Variants in STX18 observed in about 807,000 individuals in gnomAD.
The protein encoded by STX18 is syntaxin 18.
Under a neutral mutation model 50.1 loss-of-function variants are expected in STX18, and 40 were observed. The observed-to-expected ratio is 0.80, with a 90% CI of 0.62 to 1.04. The LOEUF (loss-of-function observed/expected upper bound fraction) is 1.04, where lower values mean the gene tolerates loss of function less well. Ranked by LOEUF, STX18 falls within the 50% of genes least tolerant of loss-of-function variation. The probability of loss-of-function intolerance (pLI) is 0.00; values close to 1 mark genes in which losing one functional copy is unlikely to be tolerated. For missense variants in STX18, 410 were observed against 415.8 expected, an observed-to-expected ratio of 0.99 and a Z score of 0.12; for synonymous variants, 158 against 151.8, an observed-to-expected ratio of 1.04 and a Z score of -0.30.
chr4:4,452,812 C>T (rs541691718), intron 5 of STX18, among the ~76,000 whole-genome samples: 17 of 152,264 alleles, frequency 1.1e-4, no homozygotes, highest in South Asian at 1.0e-3. Flanking sequence ...CCATCTTAGA[C>T]GCCATTAAGA....
chr4:4,464,021 T>C (rs1281832558), intron 2 of STX18, among the ~76,000 whole-genome samples: 2 of 152,190 alleles, frequency 1.3e-5, no homozygotes, highest in South Asian at 2.1e-4. Flanking sequence ...TTTGCATATA[T>C]TGACAAAGTT....
intron 1 of STX18, among the ~76,000 whole-genome samples, chr4:4,527,974 C>T (rs910740585): frequency 1.3e-5 from 2 of 151,752 alleles, no homozygotes; most frequent in Non-Finnish European, 2.9e-5. Context: ...TCAGGGTCAC[C>T]CTGAGTGAGG....
At chr4:4,508,751 C>A (rs1326199106) in intron 1 of STX18, among the ~76,000 whole-genome samples, 1 of 152,168 alleles carries the variant, frequency 6.6e-6, no homozygotes, top group African/African-American at 2.4e-5. Context: ...GTTGCTCCCC[C>A]ACCATGTGTC....
At chr4:4,521,293 C>A (rs1269479593) in intron 1 of STX18, among the ~76,000 whole-genome samples, 1 of 152,188 alleles carries the variant, frequency 6.6e-6, no homozygotes, top group Non-Finnish European at 1.5e-5. Flanking sequence ...TATTATGAAG[C>A]CTTTACAATT....
chr4:4,431,557 G>A (rs1478869856), intron 7 of STX18, among the ~76,000 whole-genome samples: 1 of 152,026 alleles, frequency 6.6e-6, no homozygotes, highest in Middle Eastern at 3.2e-3. Context: ...CCTCACGCAA[G>A]CCCATCCTTC....
chr4:4,504,791 T>A (rs532625130), intron 1 of STX18, among the ~76,000 whole-genome samples: 1 of 152,038 alleles, frequency 6.6e-6, no homozygotes, highest in East Asian at 1.9e-4. Context: ...AAATAAAAAA[T>A]ACTAAAAATA....
intron 1 of STX18, among the ~76,000 whole-genome samples, chr4:4,512,957 G>A (rs1730069202): frequency 6.6e-6 from 1 of 152,088 alleles, no homozygotes; most frequent in African/African-American, 2.4e-5. Context: ...TCAGTTTGTG[G>A]GCTGACAGAA....
At chr4:4,440,261 T>A (rs1726034991) in intron 5 of STX18, among the ~76,000 whole-genome samples, 1 of 152,246 alleles carries the variant, frequency 6.6e-6, no homozygotes, top group Non-Finnish European at 1.5e-5. Context: ...CAGCTAACAT[T>A]TGTTAATGGC....
rs571157749 is a variant in STX18 at position 4,447,502 on chromosome 4, A to G, written c.498-8993T>C. Among the ~76,000 whole-genome samples, 3 of 147,306 alleles carry G rather than the reference A, an allele frequency of 2.0e-5. No homozygotes were observed. In the East Asian group the frequency reaches 6.2e-4, roughly 30 times the overall value. ...GCTACTCGGGAGGCTGAGGCAGGAG[A>G]ATGGCGTGAACCCGGGAGGCGGAGC... On this transcript the variant is annotated intron_variant, in intron 5 of 10. Coordinates refer to ENST00000306200, the MANE Select transcript of STX18 (RefSeq NM_016930.4).
intron 5 of STX18, 70 bp from the exon 6 acceptor site, chr4:4,438,579 G>A (rs932232307): frequency 4.7e-6 from 6 of 1,276,226 alleles, no homozygotes; most frequent in Non-Finnish European, 6.7e-6. Flanking sequence ...AACAGAAGGA[G>A]TCACATGTGA....
chr4:4,541,039 C>G (rs1731561870), intron 1 of STX18, among the ~76,000 whole-genome samples: 1 of 152,184 alleles, frequency 6.6e-6, no homozygotes, highest in African/African-American at 2.4e-5. Context: ...CAAAAGGGAA[C>G]AAGACAAACA....
In STX18 at chr4:4,424,589, G is replaced by C. The variant is rs1414473470; in HGVS notation, c.761+575C>G. On this transcript the variant is annotated intron_variant, in intron 8 of 10. Transcript: ENST00000306200. ...CTCAGGCTGTGTGAGTGCAGCATCA[G>C]GATTGATTTTATTTGGGGGACATGT... is the stretch of plus-strand genomic sequence containing the variant. Among the ~76,000 whole-genome samples the C allele has an allele frequency of 2.0e-5, 3 of 152,170 alleles. No homozygotes were observed. In the East Asian group the frequency reaches 5.8e-4, roughly 29 times the overall value.
intron 6 of STX18, among the ~76,000 whole-genome samples, chr4:4,435,968 G>T (rs1296179047): frequency 6.6e-6 from 1 of 152,172 alleles, no homozygotes; most frequent in Admixed American, 6.5e-5. Context: ...CTGTAATGAA[G>T]TCACTTTGTG....
chr4:4,431,923 C>T (rs1223924887), intron 7 of STX18, among the ~76,000 whole-genome samples: 1 of 152,174 alleles, frequency 6.6e-6, no homozygotes, highest in Non-Finnish European at 1.5e-5. Flanking sequence ...CTTCCTCTAA[C>T]CACCGACTAT....
chr4:4,519,927 A>C (rs534552548), intron 1 of STX18, among the ~76,000 whole-genome samples: 13 of 152,342 alleles, frequency 8.5e-5, no homozygotes, highest in African/African-American at 2.9e-4. Context: ...TGGTGAGCCA[A>C]GCCAAAATAT....
At chr4:4,492,573 G>C (rs576132704) in intron 1 of STX18, among the ~76,000 whole-genome samples, 1 of 152,080 alleles carries the variant, frequency 6.6e-6, no homozygotes, top group Non-Finnish European at 1.5e-5. Context: ...TTTTTATTAG[G>C]AAACTGAAAA....
At chr4:4,464,464 C>T (rs958317808) in intron 2 of STX18, among the ~76,000 whole-genome samples, 1 of 152,210 alleles carries the variant, frequency 6.6e-6, no homozygotes, top group African/African-American at 2.4e-5. Context: ...CACTACAGGA[C>T]AGACGCTGTC....
chr4:4,461,339 T>C (rs1727368747), intron 2 of STX18, among the ~76,000 whole-genome samples: 1 of 152,214 alleles, frequency 6.6e-6, no homozygotes. Flanking sequence ...AAAGTCCATC[T>C]ACCAGAAGTG....
At chr4:4,525,393 A>C (rs1730703777) in intron 1 of STX18, among the ~76,000 whole-genome samples, 1 of 152,234 alleles carries the variant, frequency 6.6e-6, no homozygotes, top group Non-Finnish European at 1.5e-5. Context: ...AAAAAAACTA[A>C]ATGGAAAACT....
Sources: gnomAD v4.1 joint callset for allele counts (sites outside exome capture counted in the v4.1 genomes callset) on GRCh38, gnomAD v4.1.1 for gene constraint, MANE v1.5 for transcripts, NCBI Gene and HGNC (gene_info 2026-07-23, HGNC 2026-07-21) for gene names.